Variants in LRRIQ1 observed in about 807,000 individuals in gnomAD.
LRRIQ1 encodes leucine-rich repeat- and IQ domain-containing protein 1.
Under a neutral mutation model 211.9 loss-of-function variants are expected in LRRIQ1, and 210 were observed. The ratio of observed to expected loss-of-function variants is 0.99; its 90% confidence interval spans 0.89 to 1.11. The LOEUF is 1.11. LRRIQ1 is among the 50% of genes most tolerant of loss of function. LRRIQ1 has a pLI of 0.00. For synonymous variants in LRRIQ1, 699 were observed against 650.1 expected (o/e 1.08, Z -1.14); for missense variants, 2,136 against 1,939.5 (o/e 1.10, Z -1.90).
chr12:85,209,209 G>T (rs1210356982), intron 24 of LRRIQ1, among the ~76,000 whole-genome samples: 1 of 152,172 alleles, frequency 6.6e-6, no homozygotes, highest in African/African-American at 2.4e-5. Flanking sequence ...AATTTATAAA[G>T]GAAAGAGGTT....
chr12:85,044,768 C>G lies in LRRIQ1; in HGVS notation c.295C>G (p.Leu99Val). 6.4e-7 allele frequency: 1 copy of G among 1,563,294 alleles called. No homozygotes were observed. The highest frequency in any genetic ancestry group is 1.1e-5 in the South Asian group (1 of 87,918). Residue 99 changes from leucine (L) to valine (V), a missense_variant, in exon 4 of 27, where the codon CTA (leucine) becomes GTA (valine). Physicochemically the swap from Leu to Val is conservative, Grantham distance 32. Transcript: ENST00000393217. Reference protein sequence around the residue: ...SNNHMHLRTGLSTEYEESSEQ... With the variant: ...SNNHMHLRTGVSTEYEESSEQ... ...TAATCATATGCATTTAAGAACAGGA[C>G]TATCAACTGAATATGAAGAAAGTTC...
intron 23 of LRRIQ1, among the ~76,000 whole-genome samples, chr12:85,157,404 TAGTG>T (rs886627944): frequency 5.9e-5 from 9 of 151,966 alleles, no homozygotes; most frequent in Admixed American, 3.9e-4. Context: ...TTGTTTTTCC[TAGTG>T]AGTAATTGCT....
chr12:85,059,477 C>G (rs538024267), intron 8 of LRRIQ1, among the ~76,000 whole-genome samples: 2 of 151,924 alleles, frequency 1.3e-5, no homozygotes, highest in Non-Finnish European at 2.9e-5. Context: ...AGATGCAGCT[C>G]CCTGCCGTTG....
At chr12:85,199,885 C>T (rs1039731253) in intron 24 of LRRIQ1, among the ~76,000 whole-genome samples, 1 of 152,100 alleles carries the variant, frequency 6.6e-6, no homozygotes, top group Non-Finnish European at 1.5e-5. Flanking sequence ...ACAGCCAAAA[C>T]ATACCAGTCA....
In LRRIQ1 at chr12:85,056,976, G is replaced by A. The variant is rs2135995599; in HGVS notation, c.2183G>A (p.Cys728Tyr). 1.2e-6 allele frequency: 2 copies of A among 1,610,350 alleles called. No individual in the cohort carries two copies. The highest frequency in any genetic ancestry group is 1.1e-5 in the South Asian group (1 of 90,478). Residue 728 changes from cysteine (C) to tyrosine (Y), a missense_variant, in exon 8 of 27, where the codon TGT becomes TAT. Transcript: ENST00000393217. ...NAPEPDSMTC[C>Y]VSESTLLYSI... ...CCTGAACCTGATAGCATGACCTGCT[G>A]TGTATCAGAGTCAACCCTTCTATAT...
At chr12:85,188,079 G>T (rs528327614) in intron 24 of LRRIQ1, among the ~76,000 whole-genome samples, 1 of 151,752 alleles carries the variant, frequency 6.6e-6, no homozygotes, top group South Asian at 2.1e-4. Flanking sequence ...TGAAGTTTGG[G>T]ACTCTATTGG....
intron 13 of LRRIQ1, among the ~76,000 whole-genome samples, chr12:85,102,959 A>ATATATATATAT (rs1555207753): frequency 4.6e-5 from 5 of 108,464 alleles, no homozygotes; most frequent in African/African-American, 1.7e-4. Context: ...AAAAAAAAAA[A>ATATATATATAT]ATATATATAT....
chr12:85,192,164 T>G (rs1892547127), intron 24 of LRRIQ1, among the ~76,000 whole-genome samples: 1 of 151,222 alleles, frequency 6.6e-6, no homozygotes, highest in African/African-American at 2.4e-5. Flanking sequence ...CTCCTGTCCT[T>G]CACCCTCAAG....
chr12:85,186,604 T>C (rs1355613159), intron 24 of LRRIQ1, among the ~76,000 whole-genome samples: 1 of 152,154 alleles, frequency 6.6e-6, no homozygotes, highest in Non-Finnish European at 1.5e-5. Context: ...TATATACATC[T>C]CTCCGAGTAC....
chr12:85,255,426 C>T (rs1486609762), intron 1 of LRRIQ1, among the ~76,000 whole-genome samples: 2 of 151,720 alleles, frequency 1.3e-5, no homozygotes, highest in African/African-American at 4.8e-5. Flanking sequence ...TTCAATCCCA[C>T]TCTAGATTTA....
At chr12:85,229,459 G>T in intron 24 of LRRIQ1, 58 bp from the exon 25 acceptor site, 1 of 1,451,426 alleles carries the variant, frequency 6.9e-7, no homozygotes, top group South Asian at 1.4e-5. Flanking sequence ...GATGGAACTG[G>T]TTGGCCAAAG....
In LRRIQ1 at chr12:85,078,840, A is replaced by T. The variant is rs557343258; in HGVS notation, c.2887+5742A>T. Among the ~76,000 whole-genome samples the T allele has an allele frequency of 2.3e-3, 351 of 152,158 alleles. 3 individuals are homozygous for T. The highest frequency in any genetic ancestry group is 7.7e-3 in the African/African-American group (320 of 41,516). On this transcript the variant is annotated intron_variant, in intron 11 of 26. Transcript: ENST00000393217. ...AATATTGCCAAGTAGTCGAAAAAAA[A>T]TTTTTTTACGTTTTATTAATTCATT...
intron 15 of LRRIQ1, among the ~76,000 whole-genome samples, chr12:85,115,697 T>C (rs1344378654): frequency 6.6e-6 from 1 of 152,206 alleles, no homozygotes; most frequent in Non-Finnish European, 1.5e-5. Context: ...TGTTCCTTGC[T>C]GATCTGGTAT....
intron 26 of LRRIQ1, among the ~76,000 whole-genome samples, chr12:85,233,210 G>A (rs1348357401): frequency 6.6e-6 from 1 of 151,948 alleles, no homozygotes; most frequent in Non-Finnish European, 1.5e-5. Context: ...GTACAACCAG[G>A]TTTTCAACAT....
At chr12:85,115,331 G>A (rs1366825653) in intron 15 of LRRIQ1, among the ~76,000 whole-genome samples, 1 of 152,134 alleles carries the variant, frequency 6.6e-6, no homozygotes, top group Non-Finnish European at 1.5e-5. Flanking sequence ...GCTCTGTTAT[G>A]CAGTTCTGAG....
downstream of LRRIQ1, among the ~76,000 whole-genome samples, chr12:85,246,109 A>G (rs1895706316): frequency 6.6e-6 from 1 of 151,274 alleles, no homozygotes; most frequent in Non-Finnish European, 1.5e-5. Context: ...CTTTTGAAAT[A>G]ATAATTTTAA....
intron 10 of LRRIQ1, among the ~76,000 whole-genome samples, chr12:85,067,586 G>A (rs1040346403): frequency 1.3e-5 from 2 of 150,230 alleles, no homozygotes; most frequent in African/African-American, 4.9e-5. Context: ...TTGCTATGTT[G>A]CCCAGGCTTG....
At position 85,103,997 on chromosome 12, in the gene LRRIQ1, T is replaced by C. The variant is rs200340251; in HGVS notation, c.3210-7T>C. ...AATTTTGATGAAGTTTTTGTTTTTG[T>C]TTTCAGCTTGACTAAAATCGTACCA... On this transcript the variant is annotated splice_region_variant and splice_polypyrimidine_tract_variant and intron_variant, in intron 13 of 26. Transcript: ENST00000393217. The C allele has an allele frequency of 6.4e-6, 10 of 1,558,614 alleles. No homozygotes were observed. The highest frequency in any genetic ancestry group is 8.7e-6 in the Non-Finnish European group (10 of 1,148,798).
chr12:85,234,715 C>A (rs1008980736), intron 26 of LRRIQ1, among the ~76,000 whole-genome samples: 2 of 152,028 alleles, frequency 1.3e-5, no homozygotes, highest in Non-Finnish European at 2.9e-5. Context: ...AAAGAAAAAA[C>A]CACTGCAACT....
Sources: gnomAD v4.1 joint callset for allele counts (sites outside exome capture counted in the v4.1 genomes callset) on GRCh38, gnomAD v4.1.1 for gene constraint, MANE v1.5 for transcripts, NCBI Gene and HGNC (gene_info 2026-07-23, HGNC 2026-07-21) for gene names.